Variants in IRS1 observed in about 807,000 individuals in gnomAD.
IRS1 encodes the protein insulin receptor substrate 1.
IRS1 carries 34 observed loss-of-function variants against 65.6 expected under a neutral mutation model. The ratio of observed to expected loss-of-function variants is 0.52; its 90% CI spans 0.39 to 0.69. IRS1 has a LOEUF of 0.69. Among genes scored for constraint, IRS1 ranks in the 30% least tolerant of loss-of-function variants. The pLI is 0.00. For missense variants in IRS1, 1,641 were observed against 1,720.2 expected (o/e 0.95, Z 0.81); for synonymous variants, 699 against 683.5 (o/e 1.02, Z -0.35).
rs1305808839 is a variant in IRS1, at chr2:226,798,129, C to T, written c.610G>A (p.Val204Met). ...CTGATGTTCATCAGCTGCAGCACCA[C>T]GGCCGCTGCCTCCGAGTTCAGCTTC... ...FVKLNSEAAA[V>M]VLQLMNIRRC... Residue 204 changes from valine (V) to methionine (M), a missense_variant, in exon 1 of 2, where the codon GTG becomes ATG. Val to Met is a conservative substitution (Grantham distance 21, BLOSUM62 1). Around this residue, in one of 3 missense-constraint regions of IRS1, gnomAD observed 77 missense variants for 129.6 expected, o/e 0.59. Transcript: ENST00000305123. This position sits in a 1 kb window ranked among gnomAD's most constrained non-coding sequence, Gnocchi z 9.4. 1.9e-6 allele frequency: 3 copies of T among 1,614,002 alleles called. No homozygotes were observed. The highest frequency in any genetic ancestry group is 1.1e-5 in the South Asian group (1 of 91,084).
At chr2:226,781,530 T>G (rs1482411906) in intron 1 of IRS1, among the ~76,000 whole-genome samples, 1 of 152,152 alleles carries the variant, frequency 6.6e-6, no homozygotes, top group African/African-American at 2.4e-5. Flanking sequence ...TGTTGTGTAC[T>G]TGATAATGCA....
At chr2:226,774,401 C>A (rs965910336) in intron 1 of IRS1, among the ~76,000 whole-genome samples, 10 of 151,874 alleles carry the variant, frequency 6.6e-5, no homozygotes, top group Non-Finnish European at 1.0e-4. Context: ...TAACATGGGG[C>A]AAATTAAAAT....
At chr2:226,768,681 CA>C (rs1195692602) in intron 1 of IRS1, among the ~76,000 whole-genome samples, 1 of 152,078 alleles carries the variant, frequency 6.6e-6, no homozygotes, top group Admixed American at 6.5e-5. Flanking sequence ...AAAAGTTCTC[CA>C]AAATCTTGTA....
intron 1 of IRS1, among the ~76,000 whole-genome samples, chr2:226,744,738 T>C (rs990038065): frequency 2.0e-5 from 3 of 152,106 alleles, no homozygotes; most frequent in Non-Finnish European, 4.4e-5. Context: ...CCCCCAGCCA[T>C]GGAAAAATTG....
chr2:226,738,674 C>T (rs1938377464), intron 1 of IRS1, among the ~76,000 whole-genome samples: 1 of 152,090 alleles, frequency 6.6e-6, no homozygotes, highest in Non-Finnish European at 1.5e-5. Context: ...TAGGAAACTC[C>T]CCACAACAAG....
At chr2:226,789,674 G>C (rs1939551618) in intron 1 of IRS1, among the ~76,000 whole-genome samples, 2 of 152,160 alleles carry the variant, frequency 1.3e-5, no homozygotes, top group African/African-American at 4.8e-5. Flanking sequence ...TCCACAGTGT[G>C]CACTGGTTAA....
In IRS1 at chr2:226,796,115, CG is replaced by C; in HGVS notation, c.2623del (p.Arg875GlufsTer68). 1 of 1,613,624 alleles carries C rather than the reference CG, an allele frequency of 6.2e-7. No homozygotes were observed. The highest frequency in any genetic ancestry group is 8.5e-7 in the Non-Finnish European group (1 of 1,180,006). Reference sequence around the variant, plus strand: ...GGGCTGCTGCTGCTGCTGCTGCTCTCGGGCCCGAGGTAAGGTGCTGGCCTTG... The same window carrying C: ...GGGCTGCTGCTGCTGCTGCTGCTCTCGGCCCGAGGTAAGGTGCTGGCCTTG... ...DPKASTLPRA[R>X]EQQQQQQPLL... On this transcript the variant is annotated frameshift_variant, in exon 1 of 2. Coordinates refer to ENST00000305123, the MANE Select transcript of IRS1 (RefSeq NM_005544.3). LOFTEE classifies it high-confidence loss of function.
chr2:226,763,589 C>T (rs1169415449), intron 1 of IRS1, among the ~76,000 whole-genome samples: 3 of 152,182 alleles, frequency 2.0e-5, no homozygotes, highest in Non-Finnish European at 2.9e-5. Flanking sequence ...TAGTTCTCTC[C>T]TTGACTAGCT....
chr2:226,757,633 A>G (rs1456202043), intron 1 of IRS1, among the ~76,000 whole-genome samples: 1 of 152,170 alleles, frequency 6.6e-6, no homozygotes, highest in Non-Finnish European at 1.5e-5. Context: ...CTCTCATCTC[A>G]TATTAGAGCT....
chr2:226,736,757 G>A (rs959537680), intron 1 of IRS1, among the ~76,000 whole-genome samples: 6 of 152,070 alleles, frequency 3.9e-5, no homozygotes, highest in Non-Finnish European at 5.9e-5. Flanking sequence ...TAGATGCAAA[G>A]GGAGACCCAA....
intron 1 of IRS1, among the ~76,000 whole-genome samples, chr2:226,766,564 T>C (rs1939052767): frequency 6.6e-6 from 1 of 152,170 alleles, no homozygotes; most frequent in Admixed American, 6.5e-5. Context: ...TCTTTACTGG[T>C]CATTGACTGC....
In IRS1 at chr2:226,734,630, G is replaced by A. The variant is rs1275545450; in HGVS notation, c.*1642C>T. 1 of 152,194 alleles carries A rather than the reference G, an allele frequency of 6.6e-6. No homozygotes were observed. Among genetic ancestry groups the A allele is most frequent in the African/African-American group, 2.4e-5 (1 of 41,438 alleles). The allele number at this position is 152,194 out of a possible 1,614,324, so 9.4% of individuals were successfully genotyped here. On this transcript the variant is annotated 3_prime_UTR_variant, in exon 2 of 2. Coordinates refer to ENST00000305123, the MANE Select transcript of IRS1 (RefSeq NM_005544.3). ...AAATGTTGCTCCTCCCAATAGTAGG[G>A]ATGCGAATTCCTGATAGAGAGATAG...
At chr2:226,753,196 T>TA (rs1487212967) in intron 1 of IRS1, among the ~76,000 whole-genome samples, 1 of 152,196 alleles carries the variant, frequency 6.6e-6, no homozygotes, top group East Asian at 1.9e-4. Flanking sequence ...CCCAGACAAT[T>TA]ACATTAATCA....
rs1188617861 is a variant in IRS1, at chr2:226,766,148, TATATATATA to T, written c.*21+28832_*21+28840del. Reference sequence around the variant, plus strand: ...ATATATATATATATATATATATATATATATATATATATATATTTTTTTTTTTTTTTTTTG... The same window carrying T: ...ATATATATATATATATATATATATATTATATATTTTTTTTTTTTTTTTTTG... On this transcript the variant is annotated intron_variant, in intron 1 of 1. Transcript: ENST00000305123. Among the ~76,000 whole-genome samples, 23 of 7,434 alleles carry T rather than the reference TATATATATA, an allele frequency of 3.1e-3. 1 individual carries two copies. The highest frequency in any genetic ancestry group is 4.9e-3 in the African/African-American group (15 of 3,038). The allele number at this position is 7,434 out of a possible 152,430, so 4.9% of individuals were successfully genotyped here.
At chr2:226,767,842 G>A (rs1052705103) in intron 1 of IRS1, among the ~76,000 whole-genome samples, 1 of 152,162 alleles carries the variant, frequency 6.6e-6, no homozygotes, top group African/African-American at 2.4e-5. Context: ...TCAAAGGCAT[G>A]AGGAGTAACA....
chr2:226,789,390 T>C (rs1161572318), intron 1 of IRS1, among the ~76,000 whole-genome samples: 1 of 152,098 alleles, frequency 6.6e-6, no homozygotes, highest in Non-Finnish European at 1.5e-5. Flanking sequence ...AACTAACTAA[T>C]CAAAAACCCT....
intron 1 of IRS1, among the ~76,000 whole-genome samples, chr2:226,752,610 A>G (rs1938707110): frequency 6.6e-6 from 1 of 152,254 alleles, no homozygotes; most frequent in African/African-American, 2.4e-5. Flanking sequence ...GATACTTCCC[A>G]AGAGCTAATT....
At chr2:226,770,776 A>G (rs1251124202) in intron 1 of IRS1, among the ~76,000 whole-genome samples, 4 of 152,222 alleles carry the variant, frequency 2.6e-5, no homozygotes, top group Non-Finnish European at 5.9e-5. Context: ...TAACTCTACC[A>G]TGTAACAGCT....
chr2:226,796,736 C>T lies in IRS1; in HGVS notation c.2003G>A (p.Ser668Asn), dbSNP rs1939736877. ...TCCAATGTCAGGAGAGCAGCCACCG[C>T]TGGGGGACATCATCATGTAGCCATT... ...DPNGYMMMSP[S>N]GGCSPDIGGG... The change falls in exon 1 of 2, where the codon AGC becomes AAC. Residue 668 changes from serine (S) to asparagine (N), a missense_variant. Physicochemically the swap from Ser to Asn is conservative, Grantham distance 46 (BLOSUM62 1). Transcript: ENST00000305123. The T allele has an allele frequency of 1.2e-6, 2 of 1,610,792 alleles. No individual in the cohort carries two copies. The highest frequency in any genetic ancestry group is 1.7e-6 in the Non-Finnish European group (2 of 1,178,044).
Sources: allele counts gnomAD v4.1 joint callset (sites outside exome capture counted in the v4.1 genomes callset), GRCh38; gene constraint gnomAD v4.1.1; regional missense constraint gnomAD v4.1.1; non-coding constraint Gnocchi (gnomAD v3.1); transcripts MANE v1.5; gene names NCBI Gene and HGNC (gene_info 2026-07-23, HGNC 2026-07-21).